The following XIRP2 variants were observed in gnomAD, a reference collection of about 807,000 sequenced individuals.
The protein encoded by XIRP2 is xin actin binding repeat containing 2.
In XIRP2, 236 loss-of-function variants were observed where a neutral mutation model predicts 277.0. The observed-to-expected ratio is 0.85, with a 90% confidence interval of 0.77 to 0.95. XIRP2 has a LOEUF of 0.95. XIRP2 is among the 40% of genes least tolerant of loss of function. The pLI is 0.00. For synonymous variants in XIRP2, 1,490 were observed against 1,416.5 expected (o/e 1.05, Z -1.17); for missense variants, 4,640 against 4,157.5 (o/e 1.12, Z -3.19).
chr2:167,229,149 CT>C (rs1406939044), intron 5 of XIRP2, among the ~76,000 whole-genome samples: 1 of 152,050 alleles, frequency 6.6e-6, no homozygotes, highest in African/African-American at 2.4e-5. Context: ...AAATACAGAT[CT>C]TTTGACATAA....
intron 2 of XIRP2, among the ~76,000 whole-genome samples, chr2:166,908,221 A>G (rs142911876): frequency 0.076 from 11,600 of 152,216 alleles, 1,014 homozygotes; most frequent in East Asian, 0.49. Context: ...ACTAGTTTAC[A>G]GTCCCACCAA....
rs573127665 is a variant in XIRP2 at position 167,025,690 on chromosome 2, G to T, written c.409-110219G>T. ...CATTGGTTTCAAAGAACATCTTTAT[G>T]TCTGCCTTCATTTCGTTATGTACCC... On this transcript the variant is annotated intron_variant, in intron 2 of 10. Transcript: ENST00000409195. Among the ~76,000 whole-genome samples the T allele has an allele frequency of 2.4e-4, 37 of 151,848 alleles. No homozygotes were observed. The East Asian group carries it at 2.5e-3, about 10-fold the overall frequency.
intron 2 of XIRP2, among the ~76,000 whole-genome samples, chr2:167,134,852 A>G (rs57291658): frequency 0.085 from 12,984 of 152,216 alleles, 621 homozygotes; most frequent in African/African-American, 0.12. Context: ...TAACCAAGAC[A>G]GCTTCTAAGT....
At chr2:166,996,103 C>T (rs1238250396) in intron 2 of XIRP2, among the ~76,000 whole-genome samples, 1 of 152,136 alleles carries the variant, frequency 6.6e-6, no homozygotes, top group Non-Finnish European at 1.5e-5. Flanking sequence ...GTTGTAGGCT[C>T]CTTGAGGGCA....
chr2:166,951,682 G>A (rs1442642226), intron 2 of XIRP2, among the ~76,000 whole-genome samples: 1 of 152,012 alleles, frequency 6.6e-6, no homozygotes, highest in African/African-American at 2.4e-5. Flanking sequence ...TACTGACCAA[G>A]GTTCAGAAAT....
intron 2 of XIRP2, among the ~76,000 whole-genome samples, chr2:167,120,526 G>A (rs1340818598): frequency 1.3e-5 from 2 of 152,158 alleles, no homozygotes; most frequent in African/African-American, 4.8e-5. Flanking sequence ...ACTATGGTAT[G>A]TCTGAATTAT....
chr2:167,145,536 T>C (rs979402130), intron 3 of XIRP2, among the ~76,000 whole-genome samples: 3 of 152,206 alleles, frequency 2.0e-5, no homozygotes, highest in East Asian at 1.9e-4. Flanking sequence ...ATATTTTTCA[T>C]TGATCCTTTA....
Position 167,248,209 on chromosome 2 carries a change from C to T in XIRP2, c.6817C>T (p.Pro2273Ser), listed in dbSNP as rs1283693560. ...AATGGCAATGGAAAGGTCCTTGAAT[C>T]CAATCAACTTTAACCCTGAGAATAA... ...LKMAMERSLN[P>S]INFNPENNVK... Residue 2273 changes from proline to serine, a missense_variant, in exon 9 of 11, where the codon CCA (proline) becomes TCA (serine). By Grantham distance (74) the Pro-to-Ser change is moderately conservative. Transcript: ENST00000409195. 1 of 1,613,724 alleles carries T rather than the reference C, an allele frequency of 6.2e-7. No homozygotes were observed. The highest frequency in any genetic ancestry group is 8.5e-7 in the Non-Finnish European group (1 of 1,179,764).
At chr2:167,176,840 G>T (rs1000865553) in intron 3 of XIRP2, among the ~76,000 whole-genome samples, 1 of 152,170 alleles carries the variant, frequency 6.6e-6, no homozygotes, top group Non-Finnish European at 1.5e-5. Context: ...TGAATGGTTT[G>T]TCTTAGCTCC....
intron 2 of XIRP2, among the ~76,000 whole-genome samples, chr2:167,030,946 G>A (rs746848451): frequency 9.9e-5 from 15 of 151,546 alleles, no homozygotes; most frequent in Non-Finnish European, 1.5e-4. Flanking sequence ...ATTACATAAC[G>A]GCCTTCTTTG....
At chr2:166,908,559 G>A (rs1274201592) in intron 2 of XIRP2, among the ~76,000 whole-genome samples, 2 of 152,108 alleles carry the variant, frequency 1.3e-5, no homozygotes, top group African/African-American at 4.8e-5. Flanking sequence ...CTCCCATTCT[G>A]TAGGTTGCCT....
At chr2:166,960,758 T>C (rs891305894) in intron 2 of XIRP2, among the ~76,000 whole-genome samples, 7 of 151,770 alleles carry the variant, frequency 4.6e-5, no homozygotes, top group Non-Finnish European at 1.0e-4. Flanking sequence ...TGCAAAATAC[T>C]TGATAATGAA....
chr2:167,173,472 C>A lies in XIRP2; in HGVS notation c.563-37263C>A, dbSNP rs563288268. On this transcript the variant is annotated intron_variant, in intron 3 of 10. Transcript: ENST00000409195. ...TAAATGACAGAATCTCATTAATTTT[C>A]ATGGCTGAATACTACTCCATTGTGT... 5.9e-5 allele frequency among the ~76,000 whole-genome samples: 9 copies of A among 152,310 alleles called. No individual in the cohort carries two copies. The East Asian group carries it at 1.7e-3, about 29-fold the overall frequency.
At chr2:167,110,711 T>A (rs1690727759) in intron 2 of XIRP2, among the ~76,000 whole-genome samples, 1 of 152,178 alleles carries the variant, frequency 6.6e-6, no homozygotes, top group Admixed American at 6.6e-5. Flanking sequence ...CTGTGAAGAA[T>A]GTGTTTGGCA....
intron 2 of XIRP2, among the ~76,000 whole-genome samples, chr2:167,106,990 A>G (rs1434963655): frequency 3.3e-5 from 5 of 151,278 alleles, no homozygotes; most frequent in Non-Finnish European, 7.4e-5. Flanking sequence ...AAGAAATACA[A>G]TAATTTTATA....
At chr2:167,029,882 G>T (rs553009133) in intron 2 of XIRP2, among the ~76,000 whole-genome samples, 2 of 152,060 alleles carry the variant, frequency 1.3e-5, no homozygotes, top group South Asian at 4.2e-4. Context: ...TCAATTTCAG[G>T]ACTTGTTATT....
chr2:166,919,757 A>G (rs909308752), intron 2 of XIRP2, among the ~76,000 whole-genome samples: 1 of 152,180 alleles, frequency 6.6e-6, no homozygotes, highest in African/African-American at 2.4e-5. Context: ...AACAAGAAAT[A>G]TAAACAAAAA....
Position 167,259,465 on chromosome 2 carries a change from TAAA to T in XIRP2, c.*1649_*1651del, listed in dbSNP as rs1396363914. On this transcript the variant is annotated 3_prime_UTR_variant, in exon 11 of 11. Coordinates refer to ENST00000409195, the MANE Select transcript of XIRP2 (RefSeq NM_152381.6). ...GGATACCCTTTTGAGGAACTTGATG[TAAA>T]CATGGTGTTCAGAAATCTCGTGTCT... The T allele has an allele frequency of 5.9e-6, 7 of 1,179,672 alleles. No individual in the cohort carries two copies. In the East Asian group the frequency reaches 1.6e-4, roughly 26 times the overall value. The allele number at this position is 1,179,672 out of a possible 1,614,324, so 73.1% of individuals were successfully genotyped here.
chr2:167,220,216 C>A (rs1203336047), intron 5 of XIRP2, among the ~76,000 whole-genome samples: 5 of 152,046 alleles, frequency 3.3e-5, no homozygotes, highest in Non-Finnish European at 7.4e-5. Context: ...ATATGTATCA[C>A]CTTATCATTG....
Sources: allele counts gnomAD v4.1 joint callset (sites outside exome capture counted in the v4.1 genomes callset), GRCh38; gene constraint gnomAD v4.1.1; transcripts MANE v1.5; gene names NCBI Gene and HGNC (gene_info 2026-07-23, HGNC 2026-07-21).